CCDC175: variants seen among roughly 807,000 people sequenced by gnomAD.
CCDC175 encodes coiled-coil domain-containing protein 175.
CCDC175 carries 100 observed loss-of-function variants against 114.6 expected under a neutral mutation model. That is an observed-to-expected ratio of 0.87 (90% CI 0.74 to 1.03). The LOEUF (loss-of-function observed/expected upper bound fraction) is 1.03. CCDC175 is among the 50% of genes least tolerant of loss of function. The pLI is 0.00. For synonymous variants in CCDC175, 306 were observed against 308.7 expected, an observed-to-expected ratio of 0.99 and a Z score of 0.09; for missense variants, 880 against 917.8, an observed-to-expected ratio of 0.96 and a Z score of 0.53.
chr14:59,511,667 CA>C, intron 18 of CCDC175, 92 bp downstream of exon 18: 1 of 1,054,302 alleles, frequency 9.5e-7, no homozygotes, highest in Non-Finnish European at 1.4e-6. Context: ...TGCAGGTGCA[CA>C]CAGACACAAA....
At chr14:59,506,416 C>A (rs1326425418) in intron 19 of CCDC175, among the ~76,000 whole-genome samples, 1 of 151,522 alleles carries the variant, frequency 6.6e-6, no homozygotes, top group Non-Finnish European at 1.5e-5. Flanking sequence ...GCCTCCCAAG[C>A]AGCTGGGATT....
intron 17 of CCDC175, among the ~76,000 whole-genome samples, chr14:59,520,385 T>A (rs1256591853): frequency 1.3e-5 from 2 of 152,228 alleles, no homozygotes; most frequent in African/African-American, 4.8e-5. Context: ...TAACAACCAC[T>A]CTGGCAAATT....
chr14:59,564,429 C>G (rs1473335676), intron 5 of CCDC175: 1 of 153,294 alleles, frequency 6.5e-6, no homozygotes, highest in Non-Finnish European at 1.5e-5. Context: ...ACCTCTCCCC[C>G]AGTCAACCAG....
At position 59,565,190 on chromosome 14, in the gene CCDC175, CAGT is replaced by C; in HGVS notation, c.574_576del (p.Thr192del). On this transcript the variant is annotated inframe_deletion, in exon 5 of 20. Coordinates refer to ENST00000537690, the MANE Select transcript of CCDC175 (RefSeq NM_001164399.2). Reference sequence around the variant, plus strand: ...TTGGTATAAGTCTCATTTATGTAAACAGTGGTGGTGGCTTTTTTCTCCATAGTT... The same window carrying C: ...TTGGTATAAGTCTCATTTATGTAAACGGTGGTGGCTTTTTTCTCCATAGTT... The C allele has an allele frequency of 6.5e-7, 1 of 1,537,770 alleles. No homozygotes were observed. The highest frequency in any genetic ancestry group is 8.7e-7 in the Non-Finnish European group (1 of 1,147,018).
chr14:59,533,307 C>G (rs758051084), intron 13 of CCDC175, among the ~76,000 whole-genome samples: 4 of 152,330 alleles, frequency 2.6e-5, no homozygotes, highest in Non-Finnish European at 5.9e-5. Context: ...ATGCAGCATA[C>G]AAATCAGGAG....
At chr14:59,556,153 G>A (rs1249670450) in intron 7 of CCDC175, among the ~76,000 whole-genome samples, 1 of 152,170 alleles carries the variant, frequency 6.6e-6, no homozygotes, top group African/African-American at 2.4e-5. Flanking sequence ...GCATCACCAA[G>A]TCAATCCTAA....
Position 59,561,126 on chromosome 14 carries a change from C to T in CCDC175, c.946G>A (p.Ala316Thr). Residue 316 changes from alanine to threonine, a missense_variant, in exon 7 of 20, where the codon GCG becomes ACG. By Grantham distance (58) the Ala-to-Thr change is moderately conservative. Coordinates refer to ENST00000537690, the MANE Select transcript of CCDC175 (RefSeq NM_001164399.2). ...ELKKDLAILE[A>T]KLCFFTDNKE... ...ATAAAGCATTACACTTACAGTTTCG[C>T]CTCCAGAATTGCAAGGTCTTTCTTT... 9 of 1,511,470 alleles carry T rather than the reference C, an allele frequency of 6.0e-6. No individual in the cohort carries two copies. Among genetic ancestry groups the T allele is most frequent in the Non-Finnish European group, 7.1e-6 (8 of 1,123,912 alleles). 93.6% of individuals were successfully genotyped at this position (1,511,470 alleles called of 1,614,324 possible). A position where few individuals can be genotyped will look rare whatever the true frequency, so the allele number is the denominator to read the frequency against.
chr14:59,524,214 A>G (rs1893605771), intron 16 of CCDC175, among the ~76,000 whole-genome samples: 1 of 152,214 alleles, frequency 6.6e-6, no homozygotes, highest in African/African-American at 2.4e-5. Flanking sequence ...GACTCTATAC[A>G]CTTTAAAAAT....
At chr14:59,506,287 T>TTTC (rs1892381420) in intron 19 of CCDC175, among the ~76,000 whole-genome samples, 1 of 151,328 alleles carries the variant, frequency 6.6e-6, no homozygotes, top group African/African-American at 2.4e-5. Flanking sequence ...TTTTTTTTTT[T>TTTC]TTTCTTTTTT....
chr14:59,551,719 C>G lies in CCDC175; in HGVS notation c.954-283G>C, dbSNP rs527444270. ...GGGGTAAGGGAATTCCCTTTCCTAG[C>G]CAAGGGAAGCCATGACAGACAGCAC... On this transcript the variant is annotated intron_variant, in intron 7 of 19. Coordinates refer to ENST00000537690, the MANE Select transcript of CCDC175 (RefSeq NM_001164399.2). 1.3e-3 allele frequency among the ~76,000 whole-genome samples: 204 copies of G among 152,284 alleles called. 1 individual carries two copies. Among genetic ancestry groups the G allele is most frequent in the South Asian group, 9.5e-3 (46 of 4,824 alleles).
chr14:59,525,058 T>A (rs1300317209), intron 16 of CCDC175, among the ~76,000 whole-genome samples: 1 of 152,198 alleles, frequency 6.6e-6, no homozygotes, highest in Non-Finnish European at 1.5e-5. Flanking sequence ...AGAAGGGGCA[T>A]AGAGGATATC....
chr14:59,523,472 A>T (rs1893539925), intron 16 of CCDC175, among the ~76,000 whole-genome samples: 1 of 152,220 alleles, frequency 6.6e-6, no homozygotes, highest in African/African-American at 2.4e-5. Context: ...TCTAAAAAAA[A>T]TACAGCTTCA....
In CCDC175 at chr14:59,553,068, A is replaced by C. The variant is rs549484881; in HGVS notation, c.954-1632T>G. On this transcript the variant is annotated intron_variant, in intron 7 of 19. Transcript: ENST00000537690. Reference sequence around the variant, plus strand: ...AGGGAATTATTCAGGAGAACTTCCCAACCTAGCAAGGCAGGCCAACATTCA... The same window carrying C: ...AGGGAATTATTCAGGAGAACTTCCCCACCTAGCAAGGCAGGCCAACATTCA... Among the ~76,000 whole-genome samples the C allele has an allele frequency of 1.5e-4, 23 of 152,360 alleles. No homozygotes were observed. The South Asian group carries it at 3.9e-3, about 26-fold the overall frequency.
chr14:59,510,794 A>T lies in CCDC175; in HGVS notation c.2157T>A (p.Asn719Lys). The T allele has an allele frequency of 7.2e-6, 11 of 1,536,942 alleles. No individual in the cohort carries two copies. The highest frequency in any genetic ancestry group is 1.4e-5 in the African/African-American group (1 of 73,124). ...TTATGTCTTGCAAGGTCTCTTCACC[A>T]TTGTCCACCAAGATCTAAAGAAATG... is the stretch of plus-strand genomic sequence containing the variant. The part of the protein sequence containing the change: ...FQTTVKILVD[N>K]GEETLQDINN... The change falls in exon 19 of 20, where the codon AAT (asparagine) becomes AAA (lysine). Residue 719 changes from asparagine to lysine, a missense_variant. Coordinates refer to ENST00000537690, the MANE Select transcript of CCDC175 (RefSeq NM_001164399.2).
chr14:59,506,411 C>G (rs1228651807), intron 19 of CCDC175, among the ~76,000 whole-genome samples: 1 of 151,780 alleles, frequency 6.6e-6, no homozygotes, highest in East Asian at 1.9e-4. Flanking sequence ...CCTCAGCCTC[C>G]CAAGCAGCTG....
chr14:59,543,593 T>C, intron 9 of CCDC175, 139 bp from the exon 10 acceptor site: 1 of 426,402 alleles, frequency 2.3e-6, no homozygotes, highest in Non-Finnish European at 4.1e-6. Context: ...AGCAAGTCTT[T>C]TTGCTAGTGG....
In CCDC175 at chr14:59,543,468, CAG is replaced by C. The variant is rs755412016; in HGVS notation, c.1173-16_1173-15del. ...TGTTTCTGATTTCTATCATGAAAAA[CAG>C]AGTTATTTGTTGAAGGCTGACATAA... On this transcript the variant is annotated splice_polypyrimidine_tract_variant and intron_variant, in intron 9 of 19. Coordinates refer to ENST00000537690, the MANE Select transcript of CCDC175 (RefSeq NM_001164399.2). 43 of 1,139,386 alleles carry C rather than the reference CAG, an allele frequency of 3.8e-5. No individual in the cohort carries two copies. Among genetic ancestry groups the C allele is most frequent in the Middle Eastern group, 2.0e-4 (1 of 5,012 alleles). 70.6% of individuals were successfully genotyped at this position (1,139,386 alleles called of 1,614,324 possible).
chr14:59,566,477 T>C (rs542042028), intron 4 of CCDC175, among the ~76,000 whole-genome samples: 3 of 152,142 alleles, frequency 2.0e-5, no homozygotes, highest in Non-Finnish European at 4.4e-5. Flanking sequence ...ACAAAAGAAA[T>C]GCAATAAAAA....
chr14:59,549,494 T>G (rs1462693882), intron 8 of CCDC175, among the ~76,000 whole-genome samples: 1 of 151,818 alleles, frequency 6.6e-6, no homozygotes. Context: ...GCCTGGTGGG[T>G]GGATCATTTC....
Sources: gnomAD v4.1 joint callset for allele counts (sites outside exome capture counted in the v4.1 genomes callset) on GRCh38, gnomAD v4.1.1 for gene constraint, MANE v1.5 for transcripts, NCBI Gene and HGNC (gene_info 2026-07-23, HGNC 2026-07-21) for gene names.